The following MCC variants were observed in gnomAD, a reference collection of about 807,000 sequenced individuals.
MCC encodes the protein MCC regulator of Wnt signaling pathway.
MCC carries 90 observed loss-of-function variants against 116.2 expected under a neutral mutation model. The ratio of observed to expected loss-of-function variants is 0.77; its 90% confidence interval spans 0.65 to 0.92. MCC has a LOEUF of 0.92. Among genes scored for constraint, MCC ranks in the 40% least tolerant of loss-of-function variants. The pLI is 0.00. For synonymous variants in MCC, 578 were observed against 510.5 expected (o/e 1.13, Z -1.78); for missense variants, 1,516 against 1,312.2 (o/e 1.16, Z -2.40).
chr5:113,304,172 T>C (rs1216698007), intron 3 of MCC, among the ~76,000 whole-genome samples: 1 of 152,174 alleles, frequency 6.6e-6, no homozygotes, highest in Non-Finnish European at 1.5e-5. Context: ...GTCTGTCCCA[T>C]CATGGCCAGG....
chr5:113,038,985 G>A (rs548875488), intron 17 of MCC, among the ~76,000 whole-genome samples: 219 of 152,224 alleles, frequency 1.4e-3, no homozygotes, highest in African/African-American at 4.9e-3. Flanking sequence ...CTGGATGGTC[G>A]GTGACTAAAT....
chr5:113,104,462 A>G (rs1756618157), intron 6 of MCC, 107 bp from the exon 7 acceptor site: 2 of 988,662 alleles, frequency 2.0e-6, no homozygotes, highest in African/African-American at 3.3e-5. Context: ...GGAGCCTGAC[A>G]TTTCAAAGTT....
At position 113,122,747 on chromosome 5, in the gene MCC, C is replaced by T. The variant is rs557562317; in HGVS notation, c.964G>A (p.Asp322Asn). 5 of 1,614,178 alleles carry T rather than the reference C, an allele frequency of 3.1e-6. No homozygotes were observed. In the East Asian group the frequency reaches 1.1e-4, roughly 36 times the overall value. The change falls in exon 6 of 19, where the codon GAC becomes AAC. Residue 322 changes from aspartate to asparagine, a missense_variant. Transcript: ENST00000408903. ...ATAGAGACAGAGGTCTGGTCTTGGT[C>T]CATGCTTCGAGAGTCCTCGTTGACC... is the stretch of plus-strand genomic sequence containing the variant. Reference protein sequence around the residue: ...HEVNEDSRSMDQDQTSVSIPE... With the variant: ...HEVNEDSRSMNQDQTSVSIPE...
chr5:113,481,597 G>T (rs1446624229), intron 1 of MCC, among the ~76,000 whole-genome samples: 1 of 151,986 alleles, frequency 6.6e-6, no homozygotes, highest in Non-Finnish European at 1.5e-5. Context: ...AAATTAGCTG[G>T]GCGTGGTGGC....
intron 3 of MCC, among the ~76,000 whole-genome samples, chr5:113,175,867 G>T (rs1761306927): frequency 6.6e-6 from 1 of 151,750 alleles, no homozygotes; most frequent in Non-Finnish European, 1.5e-5. Flanking sequence ...CAAATTTAGT[G>T]TGTTGTGATC....
chr5:113,155,133 A>C (rs1341637069), intron 3 of MCC, among the ~76,000 whole-genome samples: 3 of 152,104 alleles, frequency 2.0e-5, no homozygotes, highest in Non-Finnish European at 4.4e-5. Context: ...AGATCATGTG[A>C]TATTTGTCTT....
rs1192364818 is a variant in MCC, at chr5:113,068,158, G to A, written c.1951C>T (p.Leu651Phe). ...TCACTCTCTGCCAGCGCCAGGAGGA[G>A]TTCGTAGGCTTCGATGCACTGCTCG... ...YSEQCIEAYE[L>F]LLALAESEQS... Residue 651 changes from leucine (L) to phenylalanine (F), a missense_variant, in exon 13 of 19, where the codon CTC becomes TTC. Coordinates refer to ENST00000408903, the MANE Select transcript of MCC (RefSeq NM_001085377.2). 1.2e-6 allele frequency: 2 copies of A among 1,614,064 alleles called. No individual in the cohort carries two copies. The highest frequency in any genetic ancestry group is 1.7e-6 in the Non-Finnish European group (2 of 1,180,046).
Position 113,064,136 on chromosome 5 carries a change from C to A in MCC, c.2061G>T (p.Gln687His). 2 of 1,613,472 alleles carry A rather than the reference C, an allele frequency of 1.2e-6. No homozygotes were observed. Among genetic ancestry groups the A allele is most frequent in the Non-Finnish European group, 1.7e-6 (2 of 1,179,634 alleles). The change falls in exon 14 of 19, where the codon CAG (glutamine) becomes CAT (histidine). Residue 687 changes from glutamine to histidine, a missense_variant. Transcript: ENST00000408903. Reference sequence around the variant, plus strand: ...GGCAGTCATGAGCTCGCTTGAGCATCTGAGTGATGTTTTCATCCCCCGACT... The same window carrying A: ...GGCAGTCATGAGCTCGCTTGAGCATATGAGTGATGTTTTCATCCCCCGACT... ...GDQSGDENIT[Q>H]MLKRAHDCRK...
chr5:113,219,702 A>C (rs1763466659), intron 3 of MCC, among the ~76,000 whole-genome samples: 1 of 152,162 alleles, frequency 6.6e-6, no homozygotes, highest in African/African-American at 2.4e-5. Context: ...TTGTTTTCTT[A>C]AAGTCCCAGC....
intron 1 of MCC, among the ~76,000 whole-genome samples, chr5:113,451,128 C>A (rs1245608746): frequency 2.0e-5 from 3 of 152,132 alleles, no homozygotes; most frequent in African/African-American, 4.8e-5. Flanking sequence ...AAATAAGAAC[C>A]CATAGCTGGT....
intron 3 of MCC, among the ~76,000 whole-genome samples, chr5:113,279,638 C>A (rs1290793167): frequency 6.6e-6 from 1 of 152,180 alleles, no homozygotes; most frequent in African/African-American, 2.4e-5. Context: ...GCCCCATCTT[C>A]TAATACTATT....
At chr5:113,115,751 G>A (rs542608969) in intron 6 of MCC, among the ~76,000 whole-genome samples, 3 of 152,122 alleles carry the variant, frequency 2.0e-5, no homozygotes, top group South Asian at 2.1e-4. Context: ...TCAAATCTAC[G>A]TATAATCATT....
chr5:113,395,726 G>A (rs972079564), intron 1 of MCC, among the ~76,000 whole-genome samples: 5 of 152,068 alleles, frequency 3.3e-5, no homozygotes, highest in African/African-American at 1.2e-4. Context: ...GATACTTTTT[G>A]GTTTATATAT....
intron 2 of MCC, among the ~76,000 whole-genome samples, chr5:113,354,758 G>T (rs2150383232): frequency 8.6e-6 from 1 of 115,872 alleles, no homozygotes; most frequent in Admixed American, 8.1e-5. Context: ...ACTTTTTATT[G>T]TACTATGATC....
chr5:113,243,785 C>A (rs1764472887), intron 3 of MCC, among the ~76,000 whole-genome samples: 1 of 152,230 alleles, frequency 6.6e-6, no homozygotes, highest in Admixed American at 6.5e-5. Context: ...CTGGGACACA[C>A]CTCTCAGGAC....
chr5:113,470,113 G>T (rs1772040544), intron 1 of MCC, among the ~76,000 whole-genome samples: 1 of 151,756 alleles, frequency 6.6e-6, no homozygotes, highest in Non-Finnish European at 1.5e-5. Context: ...ACAGCACACT[G>T]ATGGGTCTTG....
At chr5:113,446,750 T>C (rs750214581) in intron 1 of MCC, among the ~76,000 whole-genome samples, 1 of 152,106 alleles carries the variant, frequency 6.6e-6, no homozygotes, top group African/African-American at 2.4e-5. Context: ...GAGCTAAACA[T>C]AGTGTACTCA....
At chr5:113,470,710 T>C (rs1295427213) in intron 1 of MCC, among the ~76,000 whole-genome samples, 2 of 151,968 alleles carry the variant, frequency 1.3e-5, no homozygotes, top group Admixed American at 1.3e-4. Flanking sequence ...CTGTATTTCC[T>C]GAATTTGAAT....
In MCC at chr5:113,027,416, C is replaced by T. The variant is rs142331664; in HGVS notation, c.2946G>A (p.Ser982=). The T allele has an allele frequency of 1.3e-5, 21 of 1,614,196 alleles. No individual in the cohort carries two copies. Among genetic ancestry groups the T allele is most frequent in the Middle Eastern group, 1.6e-4 (1 of 6,062 alleles). The change falls in exon 19 of 19, where the codon TCG becomes TCA. Residue 982 remains serine, a synonymous_variant. Transcript: ENST00000408903. ...GTCTCTCCACCATGGCCATCATCTG[C>T]GACTCTAACTTCTTCAGTTTGTTTT... is the stretch of plus-strand genomic sequence containing the variant. ...KHQNKLKKLE[S]QMMAMVERHE...
Sources: gnomAD v4.1 joint callset for allele counts (sites outside exome capture counted in the v4.1 genomes callset) on GRCh38, gnomAD v4.1.1 for gene constraint, MANE v1.5 for transcripts, NCBI Gene and HGNC (gene_info 2026-07-23, HGNC 2026-07-21) for gene names.